KIF6: variants seen among roughly 807,000 people sequenced by gnomAD.
The protein encoded by KIF6 is kinesin family member 6.
A neutral mutation model predicts 112.7 loss-of-function variants in KIF6; 106 were observed. That is an observed-to-expected ratio of 0.94 (90% CI 0.80 to 1.11). KIF6 has a LOEUF of 1.11. Among genes scored for constraint, KIF6 ranks in the 50% least tolerant of loss-of-function variants. The pLI is 0.00. For synonymous variants in KIF6, 339 were observed against 339.9 expected (o/e 1.00, Z 0.03); for missense variants, 929 against 964.0 (o/e 0.96, Z 0.48).
chr6:39,712,058 GA>G (rs969932900), intron 3 of KIF6, among the ~76,000 whole-genome samples: 5 of 151,368 alleles, frequency 3.3e-5, no homozygotes, highest in Non-Finnish European at 5.9e-5. Flanking sequence ...AGCAAGAAAG[GA>G]AAAAAAATTA....
chr6:39,337,061 TTTCTTTCTCTTTC>T (rs1762965245), intron 22 of KIF6, among the ~76,000 whole-genome samples: 1 of 141,792 alleles, frequency 7.1e-6, no homozygotes, highest in African/African-American at 2.5e-5. Flanking sequence ...TCTTTCTTTC[TTTCTTTCTCTTTC>T]CTTTCTTTCC....
At chr6:39,669,691 G>A (rs114588596) in intron 3 of KIF6, among the ~76,000 whole-genome samples, 225 of 152,282 alleles carry the variant, frequency 1.5e-3, no homozygotes, top group African/African-American at 5.3e-3. Flanking sequence ...ACTGTTCCCC[G>A]GAATAGAATA....
chr6:39,445,343 C>T (rs1051455436), intron 13 of KIF6, among the ~76,000 whole-genome samples: 1 of 152,184 alleles, frequency 6.6e-6, no homozygotes, highest in Non-Finnish European at 1.5e-5. Flanking sequence ...GATCCTTTAA[C>T]CTCTGACCTC....
chr6:39,632,273 T>C (rs1784393873), intron 5 of KIF6, among the ~76,000 whole-genome samples: 1 of 152,132 alleles, frequency 6.6e-6, no homozygotes, highest in Non-Finnish European at 1.5e-5. Context: ...GTAAGGAAGC[T>C]GTTACTGATG....
At chr6:39,575,505 T>G (rs961155172) in intron 10 of KIF6, among the ~76,000 whole-genome samples, 1 of 152,070 alleles carries the variant, frequency 6.6e-6, no homozygotes, top group African/African-American at 2.4e-5. Flanking sequence ...CTCCTGACTT[T>G]GTGATCCGCC....
chr6:39,462,233 TAAAG>T (rs1562238551), intron 13 of KIF6, among the ~76,000 whole-genome samples: 1 of 152,192 alleles, frequency 6.6e-6, no homozygotes, highest in East Asian at 1.9e-4. Flanking sequence ...GCTTTCCTGA[TAAAG>T]AGACAAACTC....
At chr6:39,608,034 T>C (rs993962193) in intron 6 of KIF6, among the ~76,000 whole-genome samples, 3 of 152,166 alleles carry the variant, frequency 2.0e-5, no homozygotes, top group Admixed American at 1.3e-4. Context: ...CTTATGTTAT[T>C]AGACAACACG....
At chr6:39,614,724 G>A (rs1472339234) in intron 5 of KIF6, among the ~76,000 whole-genome samples, 1 of 152,080 alleles carries the variant, frequency 6.6e-6, no homozygotes, top group Non-Finnish European at 1.5e-5. Flanking sequence ...TTTTCAACAA[G>A]ACTCTTAAGT....
chr6:39,555,337 CT>C (rs1561805969), intron 10 of KIF6, among the ~76,000 whole-genome samples: 1 of 152,136 alleles, frequency 6.6e-6, no homozygotes, highest in East Asian at 1.9e-4. Context: ...GCCCCTCCCC[CT>C]ATACCCATAT....
intron 13 of KIF6, among the ~76,000 whole-genome samples, chr6:39,526,085 C>T (rs1203978133): frequency 6.6e-6 from 1 of 152,194 alleles, no homozygotes; most frequent in African/African-American, 2.4e-5. Flanking sequence ...ACCCTCTACT[C>T]TTCACTGTCC....
At chr6:39,494,224 T>C (rs1429597449) in intron 13 of KIF6, among the ~76,000 whole-genome samples, 2 of 152,228 alleles carry the variant, frequency 1.3e-5, no homozygotes, top group Non-Finnish European at 2.9e-5. Context: ...TATCACACAC[T>C]CAAGAGAACT....
intron 3 of KIF6, among the ~76,000 whole-genome samples, chr6:39,664,252 G>A (rs752536141): frequency 2.6e-5 from 4 of 151,964 alleles, no homozygotes; most frequent in Admixed American, 1.3e-4. Context: ...AGAAATAGAA[G>A]GTAAGGTAGC....
chr6:39,487,763 A>G lies in KIF6; in HGVS notation c.1645+52240T>C, dbSNP rs1034594174. Among the ~76,000 whole-genome samples the G allele has an allele frequency of 3.3e-5, 5 of 152,198 alleles. 1 individual carries two copies. Among genetic ancestry groups the G allele is most frequent in the South Asian group, 4.1e-4 (2 of 4,828 alleles). On this transcript the variant is annotated intron_variant, in intron 13 of 22. Transcript: ENST00000287152. Reference sequence around the variant, plus strand: ...CTGAAAAACAGTCCTATAGATGACAATCTGAGATGTGATTATTTCTATCTT... The same window carrying G: ...CTGAAAAACAGTCCTATAGATGACAGTCTGAGATGTGATTATTTCTATCTT...
intron 3 of KIF6, among the ~76,000 whole-genome samples, chr6:39,696,105 C>A (rs991330658): frequency 2.6e-5 from 4 of 151,828 alleles, no homozygotes; most frequent in Admixed American, 6.6e-5. Flanking sequence ...AAGATGGGAA[C>A]AATAAGCACT....
At chr6:39,677,083 T>C (rs1021951449) in intron 3 of KIF6, among the ~76,000 whole-genome samples, 11 of 152,150 alleles carry the variant, frequency 7.2e-5, no homozygotes, top group African/African-American at 2.4e-4. Context: ...CATATCAATA[T>C]GCTTGATTAC....
At chr6:39,616,713 C>T (rs944998723) in intron 5 of KIF6, among the ~76,000 whole-genome samples, 7 of 152,188 alleles carry the variant, frequency 4.6e-5, no homozygotes, top group Non-Finnish European at 7.3e-5. Flanking sequence ...GCAGCCAGTG[C>T]GTCAGCCCCA....
intron 3 of KIF6, among the ~76,000 whole-genome samples, chr6:39,670,957 C>T (rs1419156077): frequency 6.6e-6 from 1 of 152,170 alleles, no homozygotes; most frequent in Non-Finnish European, 1.5e-5. Context: ...TGCATTATGT[C>T]ACCACTTATC....
chr6:39,596,677 G>A (rs1457474555), intron 6 of KIF6, among the ~76,000 whole-genome samples: 1 of 152,114 alleles, frequency 6.6e-6, no homozygotes, highest in Non-Finnish European at 1.5e-5. Context: ...CACAGACAAA[G>A]AAACCTACCA....
intron 13 of KIF6, among the ~76,000 whole-genome samples, chr6:39,493,360 A>C (rs191880455): frequency 7.2e-5 from 11 of 152,366 alleles, no homozygotes; most frequent in Admixed American, 7.2e-4. Flanking sequence ...AAGGTTGTGT[A>C]ATTAATGACA....
Sources: allele counts gnomAD v4.1 joint callset (sites outside exome capture counted in the v4.1 genomes callset), GRCh38; gene constraint gnomAD v4.1.1; transcripts MANE v1.5; gene names NCBI Gene and HGNC (gene_info 2026-07-23, HGNC 2026-07-21).